CYP24A1: variants seen among roughly 807,000 people sequenced by gnomAD.
CYP24A1 encodes cytochrome P450 family 24 subfamily A member 1, also known as 1,25-dihydroxyvitamin D(3) 24-hydroxylase, mitochondrial.
CYP24A1 carries 68 observed loss-of-function variants against 62.4 expected under a neutral mutation model. The observed-to-expected ratio is 1.09, with a 90% CI of 0.90 to 1.33. CYP24A1 has a LOEUF of 1.33. Ranked by LOEUF, CYP24A1 falls within the 40% of genes most tolerant of loss-of-function variation. CYP24A1 has a pLI of 0.00. For missense variants in CYP24A1, 787 were observed against 653.0 expected (o/e 1.21, Z -2.24); for synonymous variants, 267 against 253.0 (o/e 1.06, Z -0.52).
chr20:54,163,564 G>A (rs541708575), intron 6 of CYP24A1, among the ~76,000 whole-genome samples: 2 of 152,292 alleles, frequency 1.3e-5, no homozygotes, highest in Middle Eastern at 3.4e-3. Context: ...TCTTGGGAAC[G>A]TTGGCTAACT....
chr20:54,163,421 T>G (rs1341253671), intron 6 of CYP24A1, among the ~76,000 whole-genome samples: 3 of 152,120 alleles, frequency 2.0e-5, no homozygotes, highest in African/African-American at 7.3e-5. Flanking sequence ...CCCTCACTAT[T>G]AAGCAAACAA....
chr20:54,150,056 A>T (rs1025317146), downstream of CYP24A1, among the ~76,000 whole-genome samples: 3 of 152,134 alleles, frequency 2.0e-5, no homozygotes, highest in African/African-American at 7.2e-5. Flanking sequence ...AGCTTCTGGG[A>T]GTTATTGAAA....
intron 7 of CYP24A1, among the ~76,000 whole-genome samples, chr20:54,159,957 A>C (rs371315367): frequency 5.3e-5 from 8 of 152,236 alleles, no homozygotes; most frequent in African/African-American, 1.7e-4. Context: ...CATTCATATA[A>C]AAATGGAGTA....
Position 54,159,066 on chromosome 20 carries a change from G to C in CYP24A1, c.1048C>G (p.Gln350Glu). Reference sequence around the variant, plus strand: ...CTTTGAATTTCCTTAAGAAGCTTTTGTTGCACTTGGGGATTACGGGATAAA... The same window carrying C: ...CTTTGAATTTCCTTAAGAAGCTTTTCTTGCACTTGGGGATTACGGGATAAA... ...YNLSRNPQVQ[Q>E]KLLKEIQSVL... is the part of the protein sequence containing the mutation. The change falls in exon 8 of 12, where the codon CAA becomes GAA. Residue 350 changes from glutamine (Q) to glutamate (E), a missense_variant. By Grantham distance (29) the Gln-to-Glu change is conservative. Coordinates refer to ENST00000216862, the MANE Select transcript of CYP24A1 (RefSeq NM_000782.5). The C allele has an allele frequency of 1.2e-6, 2 of 1,614,070 alleles. No individual in the cohort carries two copies. Among genetic ancestry groups the C allele is most frequent in the Admixed American group, 1.7e-5 (1 of 60,018 alleles).
At chr20:54,162,547 GATGCTGTGCGCGGAGGCACCGTGGCA>G in intron 7 of CYP24A1, 144 bp downstream of exon 7, 4 of 462,878 alleles carry the variant, frequency 8.6e-6, no homozygotes, top group Non-Finnish European at 1.1e-5. Context: ...CCGTGGCATA[GATGCTGTGCGCGGAGGCACCGTGGCA>G]TCTAGTATGA....
At chr20:54,158,748 C>T (rs1008773196) in intron 8 of CYP24A1, among the ~76,000 whole-genome samples, 1 of 152,150 alleles carries the variant, frequency 6.6e-6, no homozygotes, top group Non-Finnish European at 1.5e-5. Context: ...AAGGGGAGGG[C>T]ACTGGCTTTC....
chr20:54,143,968 A>G, the CYP24A1 span, among the ~76,000 whole-genome samples: 3 of 152,206 alleles, frequency 2.0e-5, no homozygotes, highest in Non-Finnish European at 2.9e-5. Context: ...CTAGAAAAAA[A>G]TGTAAATTAC....
intron 4 of CYP24A1, among the ~76,000 whole-genome samples, chr20:54,169,215 C>T (rs1368845163): frequency 6.6e-6 from 1 of 152,098 alleles, no homozygotes; most frequent in East Asian, 1.9e-4. Context: ...CATGTTCTTT[C>T]TTAACTCCCT....
chr20:54,159,144 A>G (rs754476823), intron 7 of CYP24A1, 21 bp from the exon 8 acceptor site: 7 of 1,604,760 alleles, frequency 4.4e-6, no homozygotes, highest in East Asian at 2.2e-5. Flanking sequence ...AATGGACATA[A>G]ACTTGAGTTT....
At chr20:54,150,041 C>G (rs147104141), downstream of CYP24A1, among the ~76,000 whole-genome samples, 226 of 152,268 alleles carry the variant, frequency 1.5e-3, 1 homozygote, top group African/African-American at 4.0e-3. Flanking sequence ...ATTAGTGGAA[C>G]GCTAAGCTTC....
intron 8 of CYP24A1, among the ~76,000 whole-genome samples, chr20:54,158,680 T>C (rs1037719723): frequency 6.6e-6 from 1 of 152,248 alleles, no homozygotes; most frequent in South Asian, 2.1e-4. Flanking sequence ...CCTTCAATCA[T>C]GCCCCTATCT....
intron 6 of CYP24A1, among the ~76,000 whole-genome samples, chr20:54,163,691 G>A (rs959347078): frequency 2.0e-5 from 3 of 152,288 alleles, no homozygotes; most frequent in East Asian, 1.9e-4. Flanking sequence ...ATTCCCCTTC[G>A]TCATGTGGCA....
Position 54,164,538 on chromosome 20 carries a change from A to G in CYP24A1, c.758T>C (p.Met253Thr). ...KTMMSTFGRMMVTPVELHKSL... is the reference protein window; with the variant it reads ...KTMMSTFGRMTVTPVELHKSL... ...CTTGTGCAGCTCGACTGGAGTGACC[A>G]TCATCCTCCCAAACGTGCTCATCAT... is the stretch of plus-strand genomic sequence containing the variant. Residue 253 changes from methionine to threonine, a missense_variant, in exon 6 of 12, where the codon ATG becomes ACG. Met to Thr is a moderately conservative substitution (Grantham distance 81). Coordinates refer to ENST00000216862, the MANE Select transcript of CYP24A1 (RefSeq NM_000782.5). The G allele has an allele frequency of 6.2e-7, 1 of 1,614,196 alleles. No individual in the cohort carries two copies. The highest frequency in any genetic ancestry group is 8.5e-7 in the Non-Finnish European group (1 of 1,180,028).
At chr20:54,150,632 C>A (rs969449312), downstream of CYP24A1, among the ~76,000 whole-genome samples, 6 of 152,180 alleles carry the variant, frequency 3.9e-5, no homozygotes, top group Non-Finnish European at 8.8e-5. Context: ...AGCCAAAAAA[C>A]CCCTAGATTT....
chr20:54,164,914 C>T (rs902891631), intron 5 of CYP24A1, among the ~76,000 whole-genome samples: 4 of 151,746 alleles, frequency 2.6e-5, no homozygotes, highest in African/African-American at 9.7e-5. Context: ...GATTTCCAAA[C>T]CAATTTCACA....
intron 4 of CYP24A1, among the ~76,000 whole-genome samples, chr20:54,168,766 C>T (rs1264222014): frequency 3.3e-5 from 4 of 122,820 alleles, no homozygotes; most frequent in East Asian, 4.8e-4. Context: ...TTCTCTCCCT[C>T]CTTCCTTCCT....
chr20:54,169,103 G>C (rs953475252), intron 4 of CYP24A1, among the ~76,000 whole-genome samples: 16 of 151,584 alleles, frequency 1.1e-4, no homozygotes, highest in African/African-American at 3.9e-4. Flanking sequence ...TTGCTGTGTT[G>C]CCCAAGCTGT....
downstream of CYP24A1, among the ~76,000 whole-genome samples, chr20:54,149,437 A>G (rs1321402916): frequency 6.6e-6 from 1 of 152,226 alleles, no homozygotes; most frequent in Non-Finnish European, 1.5e-5. Flanking sequence ...TATTTGTGGG[A>G]AACCAGTACA....
At chr20:54,166,082 A>C (rs1461558556) in intron 4 of CYP24A1, among the ~76,000 whole-genome samples, 2 of 152,226 alleles carry the variant, frequency 1.3e-5, no homozygotes, top group East Asian at 1.9e-4. Flanking sequence ...TCAGAGATCC[A>C]CTGTCCTGAT....
Sources: gnomAD v4.1 joint callset for allele counts (sites outside exome capture counted in the v4.1 genomes callset) on GRCh38, gnomAD v4.1.1 for gene constraint, MANE v1.5 for transcripts, NCBI Gene and HGNC (gene_info 2026-07-23, HGNC 2026-07-21) for gene names.